Variants in EYS observed in about 807,000 individuals in gnomAD.
EYS encodes EGF-like photoreceptor maintenance factor.
Under a neutral mutation model 282.1 loss-of-function variants are expected in EYS, and 250 were observed. That is an observed-to-expected ratio of 0.89 (90% CI 0.80 to 0.98). EYS has a LOEUF of 0.98. EYS is among the 50% of genes least tolerant of loss of function. The pLI, the probability that EYS is intolerant of heterozygous loss-of-function variation, is 0.00. For missense variants in EYS, 4,016 were observed against 3,709.0 expected (o/e 1.08, Z -2.15); for synonymous variants, 1,355 against 1,282.9 (o/e 1.06, Z -1.20).
chr6:65,148,692 T>A (rs1177071942), intron 12 of EYS, among the ~76,000 whole-genome samples: 1 of 152,098 alleles, frequency 6.6e-6, no homozygotes, highest in African/African-American at 2.4e-5. Context: ...TGAACCCACA[T>A]TTCCCTTCTG....
chr6:64,966,334 G>C (rs1303069830), intron 14 of EYS, among the ~76,000 whole-genome samples: 11 of 152,028 alleles, frequency 7.2e-5, no homozygotes, highest in Admixed American at 6.6e-4. Context: ...GGTGTTGGGG[G>C]GGGTATTGTT....
At chr6:65,174,270 T>A (rs1406158774) in intron 12 of EYS, among the ~76,000 whole-genome samples, 1 of 151,340 alleles carries the variant, frequency 6.6e-6, no homozygotes, top group Admixed American at 6.6e-5. Context: ...GCTGTAAATA[T>A]GGCCTAGAAC....
At chr6:63,905,398 C>T (rs1581959425) in intron 35 of EYS, among the ~76,000 whole-genome samples, 1 of 145,842 alleles carries the variant, frequency 6.9e-6, no homozygotes, top group Admixed American at 7.0e-5. Context: ...GGCACAATCT[C>T]GGCTCGCTGC....
intron 26 of EYS, among the ~76,000 whole-genome samples, chr6:64,508,550 A>ATTT (rs1408077071): frequency 3.8e-5 from 5 of 129,932 alleles, no homozygotes; most frequent in African/African-American, 1.3e-4. Context: ...TTTTCTAAGT[A>ATTT]TTTATTATTA....
intron 30 of EYS, among the ~76,000 whole-genome samples, chr6:64,247,854 G>A (rs1165841585): frequency 6.6e-6 from 1 of 152,184 alleles, no homozygotes; most frequent in Non-Finnish European, 1.5e-5. Flanking sequence ...GTGGAAATGA[G>A]TTTGAACTCT....
At chr6:65,598,925 T>C (rs1765513382) in intron 2 of EYS, among the ~76,000 whole-genome samples, 1 of 152,110 alleles carries the variant, frequency 6.6e-6, no homozygotes, top group Non-Finnish European at 1.5e-5. Flanking sequence ...AAATTGAGTG[T>C]ATTAATACAT....
intron 29 of EYS, among the ~76,000 whole-genome samples, chr6:64,382,819 G>A (rs1772789869): frequency 6.6e-6 from 1 of 152,138 alleles, no homozygotes; most frequent in Non-Finnish European, 1.5e-5. Flanking sequence ...ATAAGGGCAG[G>A]AATACATAGA....
rs921194439 is a variant in EYS, at chr6:63,768,894, G to GA, written c.7899-6262dup. Among the ~76,000 whole-genome samples, 7 of 152,110 alleles carry GA rather than the reference G, an allele frequency of 4.6e-5. No individual in the cohort carries two copies. The East Asian group carries it at 9.7e-4, about 21-fold the overall frequency. On this transcript the variant is annotated intron_variant, in intron 40 of 42. Transcript: ENST00000503581. ...TACCATGGAATACTACACAGCCATT[G>GA]AAAAAATGAAATCATGTCCTTTGAA... is the stretch of plus-strand genomic sequence containing the variant.
chr6:64,394,760 C>A (rs1200594707), intron 28 of EYS, among the ~76,000 whole-genome samples: 2 of 151,996 alleles, frequency 1.3e-5, no homozygotes, highest in Admixed American at 6.6e-5. Context: ...GCAATGGCAA[C>A]AAAAGACAAA....
intron 22 of EYS, among the ~76,000 whole-genome samples, chr6:64,686,927 G>A (rs1219567809): frequency 1.3e-4 from 13 of 99,086 alleles, no homozygotes; most frequent in African/African-American, 2.9e-4. Flanking sequence ...ATATATATAC[G>A]TATATATATA....
chr6:64,593,178 G>A lies in EYS; in HGVS notation c.3816C>T (p.Ser1272=), dbSNP rs1766465367. The A allele has an allele frequency of 1.3e-6, 2 of 1,549,690 alleles. No individual in the cohort carries two copies. Among genetic ancestry groups the A allele is most frequent in the South Asian group, 2.4e-5 (2 of 83,794 alleles). The change falls in exon 25 of 43, where the codon AGC becomes AGT. Residue 1272 remains serine (S), a synonymous_variant. Coordinates refer to ENST00000503581, the MANE Select transcript of EYS (RefSeq NM_001142800.2). ...TTCTAGTAGCCTTTATAGATGGAAA[G>A]CTGCTGACCAAAGTCTCAGAAGGGG... ...TIPPSETLVS[S]FPSIKATRIP... is the part of the protein sequence containing the mutation.
rs1474248003 is a variant in EYS at position 65,152,108 on chromosome 6, T to G, written c.2024-94381A>C. 2.0e-5 allele frequency among the ~76,000 whole-genome samples: 3 copies of G among 151,968 alleles called. No individual in the cohort carries two copies. In the East Asian group the frequency reaches 5.8e-4, roughly 29 times the overall value. On this transcript the variant is annotated intron_variant, in intron 12 of 42. Transcript: ENST00000503581. ...GCATAATATTTCCTAATGTTGTTCT[T>G]CATAGTTGCACCCATTGCCTCATGT... is the stretch of plus-strand genomic sequence containing the variant.
chr6:65,202,136 C>T (rs1011885610), intron 12 of EYS, among the ~76,000 whole-genome samples: 3 of 151,782 alleles, frequency 2.0e-5, no homozygotes, highest in Admixed American at 1.3e-4. Flanking sequence ...ATTTTACAAC[C>T]ATGGCTTACA....
chr6:65,414,341 G>T (rs1767147083), intron 5 of EYS, among the ~76,000 whole-genome samples: 1 of 152,094 alleles, frequency 6.6e-6, no homozygotes, highest in Non-Finnish European at 1.5e-5. Flanking sequence ...ATAGTGGCAT[G>T]ATTTCACATT....
At chr6:64,669,269 A>G (rs1286073587) in intron 22 of EYS, among the ~76,000 whole-genome samples, 1 of 152,214 alleles carries the variant, frequency 6.6e-6, no homozygotes, top group Non-Finnish European at 1.5e-5. Context: ...AGATGCTAGG[A>G]GTTGCAAAGA....
Position 65,169,842 on chromosome 6 carries a change from A to G in EYS, c.2024-112115T>C, listed in dbSNP as rs181655050. Among the ~76,000 whole-genome samples, 154 of 151,640 alleles carry G rather than the reference A, an allele frequency of 1.0e-3. 2 individuals carry two copies. Among genetic ancestry groups the G allele is most frequent in the Non-Finnish European group, 1.2e-4 (8 of 67,684 alleles). On this transcript the variant is annotated intron_variant, in intron 12 of 42. Coordinates refer to ENST00000503581, the MANE Select transcript of EYS (RefSeq NM_001142800.2). ...GGATGTTTTACTAAATTGTTACACTAAACAGTTGGAACAACTTCCTTTGGT... is the reference window on the plus strand; with the variant it reads ...GGATGTTTTACTAAATTGTTACACTGAACAGTTGGAACAACTTCCTTTGGT...
intron 36 of EYS, among the ~76,000 whole-genome samples, chr6:63,850,471 A>C (rs1772218020): frequency 6.6e-6 from 1 of 152,270 alleles, no homozygotes. Context: ...TCAGACTAAC[A>C]GTGGATGTCT....
At chr6:64,030,428 C>T (rs1769766300) in intron 33 of EYS, among the ~76,000 whole-genome samples, 1 of 152,190 alleles carries the variant, frequency 6.6e-6, no homozygotes, top group Non-Finnish European at 1.5e-5. Context: ...TCTTACTTTA[C>T]AATCCCAAAT....
At chr6:65,565,674 A>C (rs1016773164) in intron 2 of EYS, among the ~76,000 whole-genome samples, 1 of 152,160 alleles carries the variant, frequency 6.6e-6, no homozygotes, top group Non-Finnish European at 1.5e-5. Flanking sequence ...CACTGTTCAC[A>C]ATAGCAAAGA....
Sources: allele counts gnomAD v4.1 joint callset (sites outside exome capture counted in the v4.1 genomes callset), GRCh38; gene constraint gnomAD v4.1.1; transcripts MANE v1.5; gene names NCBI Gene and HGNC (gene_info 2026-07-23, HGNC 2026-07-21).